Variants in THNSL1 observed in about 807,000 individuals in gnomAD.
THNSL1 encodes threonine synthase like 1, also known as threonine synthase-like 1.
THNSL1 carries 48 observed loss-of-function variants against 50.4 expected under a neutral mutation model. That is an observed-to-expected ratio of 0.95 (90% CI 0.76 to 1.21). The LOEUF is 1.21. THNSL1 is among the 50% of genes most tolerant of loss of function. THNSL1 has a pLI of 0.00. For missense variants in THNSL1, 896 were observed against 871.7 expected, an observed-to-expected ratio of 1.03 and a Z score of -0.35; for synonymous variants, 309 against 306.1, an observed-to-expected ratio of 1.01 and a Z score of -0.10.
the THNSL1 span, among the ~76,000 whole-genome samples, chr10:24,954,869 C>T: frequency 1.3e-5 from 2 of 152,166 alleles, no homozygotes; most frequent in Admixed American, 6.5e-5. Flanking sequence ...CCAGAAATAA[C>T]AGCTCATCTG....
At chr10:24,997,501 C>A in the THNSL1 span, among the ~76,000 whole-genome samples, 1 of 151,682 alleles carries the variant, frequency 6.6e-6, no homozygotes, top group African/African-American at 2.4e-5. Context: ...ATCCTCCCAC[C>A]TGAGCCTCCC....
At chr10:24,965,252 C>T in the THNSL1 span, among the ~76,000 whole-genome samples, 13 of 152,270 alleles carry the variant, frequency 8.5e-5, no homozygotes, top group African/African-American at 2.9e-4. Flanking sequence ...AGAACAACTG[C>T]AATTGATTGA....
At chr10:25,018,121 T>G (rs1212603108) in intron 1 of THNSL1, among the ~76,000 whole-genome samples, 1 of 152,218 alleles carries the variant, frequency 6.6e-6, no homozygotes, top group Non-Finnish European at 1.5e-5. Context: ...TATTATGCTT[T>G]AAAAAATGCT....
At chr10:24,997,807 T>TTATATA in the THNSL1 span, among the ~76,000 whole-genome samples, 131 of 144,958 alleles carry the variant, frequency 9.0e-4, 1 homozygote, top group Middle Eastern at 3.5e-3. Context: ...CACAAAGGAT[T>TTATATA]TATATATATA....
the THNSL1 span, among the ~76,000 whole-genome samples, chr10:24,953,667 A>G: frequency 6.6e-6 from 1 of 152,076 alleles, no homozygotes; most frequent in Non-Finnish European, 1.5e-5. Flanking sequence ...ACTCAGCCCA[A>G]TTCGGGTCGA....
At chr10:24,966,424 C>G in the THNSL1 span, among the ~76,000 whole-genome samples, 1 of 152,256 alleles carries the variant, frequency 6.6e-6, no homozygotes, top group Admixed American at 6.5e-5. Flanking sequence ...AGTCCTTTCT[C>G]CCAGTGCTGT....
At chr10:25,016,099 G>C, upstream of THNSL1, 1 of 1,301,334 alleles carries the variant, frequency 7.7e-7, no homozygotes, top group South Asian at 2.5e-5. Context: ...CCTCTTAGCA[G>C]TCCTCTCTCG....
the THNSL1 span, among the ~76,000 whole-genome samples, chr10:24,994,491 G>A: frequency 2.4e-4 from 37 of 151,548 alleles, no homozygotes; most frequent in East Asian, 6.7e-3. Flanking sequence ...ACACCACCAC[G>A]CCTGGCTAAT....
the THNSL1 span, among the ~76,000 whole-genome samples, chr10:24,988,988 A>G: frequency 0.48 from 73,205 of 151,336 alleles, 18,655 homozygotes; most frequent in African/African-American, 0.66. Context: ...ATTTGCTATC[A>G]TCACATCAAA....
the THNSL1 span, among the ~76,000 whole-genome samples, chr10:25,011,570 A>G: frequency 6.6e-6 from 1 of 152,202 alleles, no homozygotes. Context: ...TACACCTTAT[A>G]CAAAAATTAA....
chr10:24,988,309 T>C, the THNSL1 span, among the ~76,000 whole-genome samples: 1 of 145,878 alleles, frequency 6.9e-6, no homozygotes, highest in African/African-American at 2.5e-5. Context: ...TATATATTTA[T>C]ATGTGTGTAT....
chr10:25,002,972 T>C, the THNSL1 span, among the ~76,000 whole-genome samples: 1 of 152,036 alleles, frequency 6.6e-6, no homozygotes, highest in African/African-American at 2.4e-5. Context: ...TGTAAACCCA[T>C]GATTCAATAT....
the THNSL1 span, chr10:24,953,426 T>A: frequency 6.6e-6 from 1 of 152,410 alleles, no homozygotes; most frequent in Non-Finnish European, 1.5e-5. Context: ...CATTCTCTGC[T>A]TTACCAGTTT....
the THNSL1 span, chr10:24,984,198 A>G: frequency 1.5e-6 from 1 of 659,606 alleles, no homozygotes; most frequent in Non-Finnish European, 2.4e-6. Flanking sequence ...GAATACTGAA[A>G]ATATTTCTCA....
the THNSL1 span, among the ~76,000 whole-genome samples, chr10:24,988,332 ATG>A: frequency 6.9e-6 from 1 of 144,932 alleles, no homozygotes; most frequent in Non-Finnish European, 1.5e-5. Context: ...ATATTTATAT[ATG>A]TGTATATATA....
the THNSL1 span, among the ~76,000 whole-genome samples, chr10:24,985,368 A>G: frequency 6.6e-6 from 1 of 152,240 alleles, no homozygotes; most frequent in Non-Finnish European, 1.5e-5. Context: ...GTGGATGGCT[A>G]TATTTTCTTA....
chr10:25,010,166 G>C, the THNSL1 span, among the ~76,000 whole-genome samples: 3 of 152,152 alleles, frequency 2.0e-5, no homozygotes, highest in African/African-American at 7.2e-5. Context: ...TAGCAATAAA[G>C]ACAATAAAGT....
At chr10:24,973,405 G>C in the THNSL1 span, among the ~76,000 whole-genome samples, 1 of 151,860 alleles carries the variant, frequency 6.6e-6, no homozygotes, top group South Asian at 2.1e-4. Flanking sequence ...AGGTGGGATG[G>C]AGCAGGACGG....
Position 25,023,401 on chromosome 10 carries a change from C to A in THNSL1, c.178C>A (p.Leu60Met). ...TCTTGTTGGAGACAAAAATATTATC[C>A]TGATGGGACCTCCTGGTGCTGGGAA... ...HSLVGDKNII[L>M]MGPPGAGKTT... The change falls in exon 3 of 3, where the codon CTG becomes ATG. Residue 60 changes from leucine to methionine, a missense_variant. Leu to Met is a conservative substitution (Grantham distance 15). Coordinates refer to ENST00000376356, the MANE Select transcript of THNSL1 (RefSeq NM_024838.5). 1 of 1,614,074 alleles carries A rather than the reference C, an allele frequency of 6.2e-7. No individual in the cohort carries two copies. Among genetic ancestry groups the A allele is most frequent in the Non-Finnish European group, 8.5e-7 (1 of 1,179,988 alleles).
Sources: allele counts gnomAD v4.1 joint callset (sites outside exome capture counted in the v4.1 genomes callset), GRCh38; gene constraint gnomAD v4.1.1; transcripts MANE v1.5; gene names NCBI Gene and HGNC (gene_info 2026-07-23, HGNC 2026-07-21).